The following CRAMP1 variants were observed in gnomAD, a reference collection of about 807,000 sequenced individuals.
CRAMP1 encodes the protein cramped chromatin regulator 1.
Under a neutral mutation model 115.4 loss-of-function variants are expected in CRAMP1, and 50 were observed. That is an observed-to-expected ratio of 0.43 (90% confidence interval 0.35 to 0.55). The LOEUF is 0.55. CRAMP1 is among the 20% of genes least tolerant of loss of function. The pLI is 0.01. For synonymous variants in CRAMP1, 866 were observed against 745.4 expected (o/e 1.16, Z -2.64); for missense variants, 1,679 against 1,721.7 (o/e 0.98, Z 0.44).
chr16:1,666,430 G>T lies in CRAMP1; in HGVS notation c.2866G>T (p.Asp956Tyr). 6.2e-7 allele frequency: 1 copy of T among 1,612,850 alleles called. No homozygotes were observed. Among genetic ancestry groups the T allele is most frequent in the Non-Finnish European group, 8.5e-7 (1 of 1,179,372 alleles). ...QATSHLASAI[D>Y]LAATSAGILS... ...GTCCTTTTTGTTGCCAGGTGCTATC[G>T]ACTTAGCAGCTACAAGTGCCGGCAT... The change falls in exon 16 of 21, where the codon GAC becomes TAC. Residue 956 changes from aspartate to tyrosine, a missense_variant. By Grantham distance (160) the Asp-to-Tyr change is radical. This residue lies in a region of CRAMP1 where 709 missense variants were observed against 741.9 expected (regional missense o/e 0.96). Coordinates refer to ENST00000397412, the MANE Select transcript of CRAMP1 (RefSeq NM_020825.4). This position sits in a 1 kb window ranked among gnomAD's most constrained non-coding sequence, Gnocchi z 5.0.
intron 6 of CRAMP1, among the ~76,000 whole-genome samples, chr16:1,649,189 A>G (rs1443722689): frequency 1.3e-5 from 2 of 152,130 alleles, no homozygotes; most frequent in South Asian, 2.1e-4. Flanking sequence ...TTTTTTTTCT[A>G]CCGTCTTGAC....
chr16:1,617,924 G>A (rs1203917991), intron 2 of CRAMP1, among the ~76,000 whole-genome samples: 1 of 152,222 alleles, frequency 6.6e-6, no homozygotes, highest in African/African-American at 2.4e-5. Flanking sequence ...TGCAGAACCT[G>A]AAGTAGATTG....
At position 1,617,385 on chromosome 16, in the gene CRAMP1, C is replaced by T. The variant is rs542171895; in HGVS notation, c.346+2400C>T. Among the ~76,000 whole-genome samples the T allele has an allele frequency of 7.2e-5, 11 of 152,348 alleles. No individual in the cohort carries two copies. In the East Asian group the frequency reaches 1.7e-3, roughly 24 times the overall value. On this transcript the variant is annotated intron_variant, in intron 2 of 20. Transcript: ENST00000397412. ...CTGCTCAGTCGTTGCTTCCATTACC[C>T]GTCAGAAAAGAAGGCCAGGTGGTGG...
At chr16:1,627,022 T>A (rs1009835581) in intron 3 of CRAMP1, among the ~76,000 whole-genome samples, 3 of 152,240 alleles carry the variant, frequency 2.0e-5, no homozygotes, top group African/African-American at 7.2e-5. Flanking sequence ...CAAGGATGAC[T>A]GAGATCCTTC....
rs1164165886 is a variant in CRAMP1, at chr16:1,672,992, C to T, written c.3646-889C>T. Among the ~76,000 whole-genome samples, 5 of 152,278 alleles carry T rather than the reference C, an allele frequency of 3.3e-5. 1 individual carries two copies. The highest frequency in any genetic ancestry group is 4.1e-4 in the South Asian group (2 of 4,826). On this transcript the variant is annotated intron_variant, in intron 20 of 20. Coordinates refer to ENST00000397412, the MANE Select transcript of CRAMP1 (RefSeq NM_020825.4). This position sits in a 1 kb window ranked among gnomAD's most constrained non-coding sequence, Gnocchi z 4.9. Reference sequence around the variant, plus strand: ...TGTGTCCTCATGTCTCTGACGGGAACGTGCTCCCCACATGTCCTCAGGACT... The same window carrying T: ...TGTGTCCTCATGTCTCTGACGGGAATGTGCTCCCCACATGTCCTCAGGACT...
intron 3 of CRAMP1, 42 bp downstream of exon 3, chr16:1,626,208 C>T: frequency 3.5e-6 from 5 of 1,429,420 alleles, no homozygotes; most frequent in Non-Finnish European, 4.6e-6. Flanking sequence ...CCTGGGCGTC[C>T]CTCTCGGATC....
chr16:1,620,008 G>A (rs866535039), intron 2 of CRAMP1, among the ~76,000 whole-genome samples: 33 of 152,188 alleles, frequency 2.2e-4, no homozygotes, highest in Non-Finnish European at 7.3e-5. Context: ...ACACCACTGC[G>A]TGTGCATGAC....
At position 1,616,785 on chromosome 16, in the gene CRAMP1, T is replaced by G. The variant is rs376021448; in HGVS notation, c.346+1800T>G. On this transcript the variant is annotated intron_variant, in intron 2 of 20. Transcript: ENST00000397412. Reference sequence around the variant, plus strand: ...ATTAGAATTTGTGCTCCTCGTGACATATCCATTATCCCACTTTAGCAAGCA... The same window carrying G: ...ATTAGAATTTGTGCTCCTCGTGACAGATCCATTATCCCACTTTAGCAAGCA... 3.3e-5 allele frequency among the ~76,000 whole-genome samples: 5 copies of G among 152,280 alleles called. No individual in the cohort carries two copies. The East Asian group carries it at 7.7e-4, about 23-fold the overall frequency.
In CRAMP1 at chr16:1,614,679, G is replaced by A; in HGVS notation, c.40G>A (p.Gly14Arg). 2 of 1,311,420 alleles carry A rather than the reference G, an allele frequency of 1.5e-6. No homozygotes were observed. Among genetic ancestry groups the A allele is most frequent in the Non-Finnish European group, 2.0e-6 (2 of 1,023,490 alleles). The allele number at this position is 1,311,420 out of a possible 1,614,324, so 81.2% of individuals were successfully genotyped here. A position where few individuals can be genotyped will look rare whatever the true frequency, so the allele number is the denominator to read the frequency against. ...GGGCGACGGCGGCAGCGGGGAGGAC[G>A]GGCTCAAGAAGCTGGGCAAGCGGGC... is the stretch of plus-strand genomic sequence containing the variant. ...KLGDGGSGED[G>R]LKKLGKRAAD... Residue 14 changes from glycine (G) to arginine (R), a missense_variant, in exon 2 of 21, where the codon GGG (glycine) becomes AGG (arginine). Gly to Arg is a moderately radical substitution (Grantham distance 125, BLOSUM62 -2). Transcript: ENST00000397412. The surrounding 1 kb of genome is among the most constrained non-coding windows in gnomAD (Gnocchi z 4.4).
chr16:1,627,371 C>T (rs1410912623), intron 3 of CRAMP1, among the ~76,000 whole-genome samples: 1 of 152,156 alleles, frequency 6.6e-6, no homozygotes, highest in Non-Finnish European at 1.5e-5. Context: ...GTCTCGAACT[C>T]CTGAGCTCAG....
rs546209626 is a variant in CRAMP1 at position 1,671,847 on chromosome 16, C to T, written c.3645+1038C>T. Among the ~76,000 whole-genome samples the T allele has an allele frequency of 3.3e-5, 5 of 152,328 alleles. No individual in the cohort carries two copies. Among genetic ancestry groups the T allele is most frequent in the Non-Finnish European group, 5.9e-5 (4 of 68,018 alleles). On this transcript the variant is annotated intron_variant, in intron 20 of 20. Coordinates refer to ENST00000397412, the MANE Select transcript of CRAMP1 (RefSeq NM_020825.4). This position sits in a 1 kb window ranked among gnomAD's most constrained non-coding sequence, Gnocchi z 5.0. ...CTCATGGGCAGGCTTTGGAGAATTCCAAGCCAAGCCATGATATGACTGGAA... is the reference window on the plus strand; with the variant it reads ...CTCATGGGCAGGCTTTGGAGAATTCTAAGCCAAGCCATGATATGACTGGAA...
Position 1,673,936 on chromosome 16 carries a change from C to A in CRAMP1, c.3701C>A (p.Ser1234Tyr). The A allele has an allele frequency of 6.2e-7, 1 of 1,613,812 alleles. No individual in the cohort carries two copies. Reference protein sequence around the residue: ...MMNENSIDYISRFNDLAQELS... With the variant: ...MMNENSIDYIYRFNDLAQELS... ...AACGAAAACAGCATTGATTACATTTCTCGGTTCAATGACCTGGCCCAAGAG... is the reference window on the plus strand; with the variant it reads ...AACGAAAACAGCATTGATTACATTTATCGGTTCAATGACCTGGCCCAAGAG... The change falls in exon 21 of 21, where the codon TCT (serine) becomes TAT (tyrosine). Residue 1234 changes from serine to tyrosine, a missense_variant. This residue lies in a region of CRAMP1 where 709 missense variants were observed against 741.9 expected (regional missense o/e 0.96). Transcript: ENST00000397412.
Position 1,656,184 on chromosome 16 carries a change from C to G in CRAMP1, c.1427C>G (p.Pro476Arg). ...SGAEGKGVGR[P>R]PPAADALQSS... is the part of the protein sequence containing the mutation. Reference sequence around the variant, plus strand: ...GCTGAGGGCAAGGGTGTGGGGCGGCCCCCTCCTGCGGCTGACGCCTTGCAG... The same window carrying G: ...GCTGAGGGCAAGGGTGTGGGGCGGCGCCCTCCTGCGGCTGACGCCTTGCAG... Residue 476 changes from proline to arginine, a missense_variant, in exon 10 of 21, where the codon CCC (proline) becomes CGC (arginine). Transcript: ENST00000397412. The surrounding 1 kb of genome is among the most constrained non-coding windows in gnomAD (Gnocchi z 5.6). 1 of 1,602,330 alleles carries G rather than the reference C, an allele frequency of 6.2e-7. No homozygotes were observed. The highest frequency in any genetic ancestry group is 8.5e-7 in the Non-Finnish European group (1 of 1,174,986).
At chr16:1,615,382 G>A (rs11643058) in intron 2 of CRAMP1, among the ~76,000 whole-genome samples, 3,680 of 152,292 alleles carry the variant, frequency 0.024, 63 homozygotes, top group Non-Finnish European at 0.035. Flanking sequence ...ATGCACCAAG[G>A]GAGCAGGCTT....
intron 17 of CRAMP1, 37 bp downstream of exon 17, chr16:1,667,437 GC>G: frequency 1.9e-6 from 3 of 1,550,250 alleles, no homozygotes; most frequent in Non-Finnish European, 2.7e-6. Context: ...CAAAGCAGCT[GC>G]CCCAGGACTC....
At chr16:1,643,791 G>A (rs2036652410) in intron 6 of CRAMP1, among the ~76,000 whole-genome samples, 1 of 152,258 alleles carries the variant, frequency 6.6e-6, no homozygotes, top group African/African-American at 2.4e-5. Flanking sequence ...CCTGGCATGG[G>A]TCCCCAGCTC....
intron 11 of CRAMP1, 32 bp downstream of exon 11, chr16:1,660,095 T>TG (rs2036815327): frequency 6.7e-7 from 1 of 1,484,962 alleles, no homozygotes; most frequent in African/African-American, 1.4e-5. Flanking sequence ...TCCTTGTGCC[T>TG]GGGCTGCCCT....
chr16:1,662,411 C>G (rs2036840051), intron 11 of CRAMP1, 79 bp from the exon 12 acceptor site: 1 of 1,204,384 alleles, frequency 8.3e-7, no homozygotes, highest in Non-Finnish European at 1.2e-6. Context: ...TTCTGACTTT[C>G]TTCCCAACGG....
Position 1,662,796 on chromosome 16 carries a change from G to GCTGCGGAACCGGCAC in CRAMP1, c.2640_2654dup (p.Asn880_Arg884dup). 1 of 1,613,920 alleles carries GCTGCGGAACCGGCAC rather than the reference G, an allele frequency of 6.2e-7. No homozygotes were observed. The highest frequency in any genetic ancestry group is 8.5e-7 in the Non-Finnish European group (1 of 1,179,896). ...ATTTCTTCCTGCCAAAGCCCCGGAAGCTGCGGAACCGGCACCTGCGGAAGC... is the reference window on the plus strand; with the variant it reads ...ATTTCTTCCTGCCAAAGCCCCGGAAGCTGCGGAACCGGCACCTGCGGAACCGGCACCTGCGGAAGC... On this transcript the variant is annotated inframe_insertion, in exon 13 of 21. Coordinates refer to ENST00000397412, the MANE Select transcript of CRAMP1 (RefSeq NM_020825.4).
Sources: allele counts gnomAD v4.1 joint callset (sites outside exome capture counted in the v4.1 genomes callset), GRCh38; gene constraint gnomAD v4.1.1; regional missense constraint gnomAD v4.1.1; non-coding constraint Gnocchi (gnomAD v3.1); transcripts MANE v1.5; gene names NCBI Gene and HGNC (gene_info 2026-07-23, HGNC 2026-07-21).